CALN1: variants seen among roughly 807,000 people sequenced by gnomAD.
The protein encoded by CALN1 is calcium-binding protein 8.
Under a neutral mutation model 30.6 loss-of-function variants are expected in CALN1, and 17 were observed. The observed-to-expected ratio is 0.56, with a 90% confidence interval of 0.38 to 0.83. The LOEUF is 0.83. Among genes scored for constraint, CALN1 ranks in the 40% least tolerant of loss-of-function variants. The probability of loss-of-function intolerance (pLI) is 0.00; values close to 1 mark genes in which losing one functional copy is unlikely to be tolerated. For missense variants in CALN1, 291 were observed against 354.9 expected (o/e 0.82, Z 1.45); for synonymous variants, 156 against 131.4 (o/e 1.19, Z -1.28).
intron 2 of CALN1, among the ~76,000 whole-genome samples, chr7:72,373,466 A>G (rs940325137): frequency 6.6e-6 from 1 of 152,226 alleles, no homozygotes; most frequent in African/African-American, 2.4e-5. Flanking sequence ...TAGAAACCAT[A>G]CTTTCAGTAC....
chr7:71,860,928 C>T (rs761700098), intron 5 of CALN1, among the ~76,000 whole-genome samples: 2 of 152,172 alleles, frequency 1.3e-5, no homozygotes, highest in Non-Finnish European at 2.9e-5. Flanking sequence ...CCACGGAGAA[C>T]TCTCTGTGAT....
At chr7:72,196,875 C>T (rs1463764176) in intron 3 of CALN1, among the ~76,000 whole-genome samples, 11 of 152,066 alleles carry the variant, frequency 7.2e-5, no homozygotes, top group African/African-American at 2.7e-4. Flanking sequence ...AGCACTTGAA[C>T]CCAAGACAAC....
rs547687621 is a variant in CALN1, at chr7:71,815,725, TCTTC to T, written c.502-5237_502-5234del. 1.7e-4 allele frequency among the ~76,000 whole-genome samples: 25 copies of T among 150,810 alleles called. 1 individual carries two copies. Among genetic ancestry groups the T allele is most frequent in the Admixed American group, 8.6e-4 (13 of 15,094 alleles). On this transcript the variant is annotated intron_variant, in intron 5 of 6. Coordinates refer to ENST00000395275, the MANE Select transcript of CALN1 (RefSeq NM_031468.4). ...CCCTGCCTCCCTTCCATCCTTCCTT[TCTTC>T]CTTCCTTCCTTCCATTCCCTTCCTC... is the stretch of plus-strand genomic sequence containing the variant.
intron 2 of CALN1, among the ~76,000 whole-genome samples, chr7:72,378,084 T>C (rs1371470163): frequency 6.6e-6 from 1 of 152,160 alleles, no homozygotes; most frequent in Non-Finnish European, 1.5e-5. Context: ...AGGAACTAAG[T>C]CATTTGCCTG....
chr7:72,111,994 A>C (rs1046044021), intron 3 of CALN1, among the ~76,000 whole-genome samples: 2 of 150,082 alleles, frequency 1.3e-5, no homozygotes, highest in African/African-American at 4.9e-5. Flanking sequence ...CAGGTGATCC[A>C]CCCCCCTCTG....
intron 5 of CALN1, among the ~76,000 whole-genome samples, chr7:71,827,676 G>A (rs964017406): frequency 2.0e-5 from 3 of 151,968 alleles, no homozygotes; most frequent in African/African-American, 7.3e-5. Context: ...GGAGGCTGAG[G>A]CAGGAGAATT....
In CALN1 at chr7:72,180,432, C is replaced by A. The variant is rs1789683287; in HGVS notation, c.245-74138G>T. On this transcript the variant is annotated intron_variant, in intron 3 of 6. Transcript: ENST00000395275. ...CACAGAGCCTTGCTTGATGCAAACA[C>A]CGTATTTCATTCTTGGTGGCAAACT... Among the ~76,000 whole-genome samples the A allele has an allele frequency of 2.0e-5, 3 of 151,880 alleles. No individual in the cohort carries two copies. In the South Asian group the frequency reaches 6.3e-4, roughly 32 times the overall value.
chr7:72,145,448 A>G (rs944094476), intron 3 of CALN1, among the ~76,000 whole-genome samples: 4 of 152,340 alleles, frequency 2.6e-5, no homozygotes, highest in African/African-American at 9.6e-5. Context: ...GAATAGACCA[A>G]TAACAGGCTC....
chr7:72,050,775 A>C (rs1236864167), intron 4 of CALN1, among the ~76,000 whole-genome samples: 1 of 151,972 alleles, frequency 6.6e-6, no homozygotes, highest in Non-Finnish European at 1.5e-5. Context: ...CCAAGGTGGG[A>C]AGTTCATTTG....
the CALN1 span, among the ~76,000 whole-genome samples, chr7:72,501,037 C>A: frequency 6.6e-6 from 1 of 151,950 alleles, no homozygotes; most frequent in Non-Finnish European, 1.5e-5. Flanking sequence ...TTCCAGGATT[C>A]TTCTCTTTTG....
At chr7:72,231,770 C>T (rs575425202) in intron 3 of CALN1, among the ~76,000 whole-genome samples, 1 of 152,318 alleles carries the variant, frequency 6.6e-6, no homozygotes, top group South Asian at 2.1e-4. Flanking sequence ...TCTTGGAACT[C>T]CTCCCTTGCT....
At chr7:71,910,780 T>A (rs1043936907) in intron 5 of CALN1, among the ~76,000 whole-genome samples, 1 of 152,198 alleles carries the variant, frequency 6.6e-6, no homozygotes, top group African/African-American at 2.4e-5. Flanking sequence ...GCACCGTTTT[T>A]TTCTCAGCTT....
At chr7:71,870,574 G>C (rs1268000609) in intron 5 of CALN1, among the ~76,000 whole-genome samples, 1 of 152,082 alleles carries the variant, frequency 6.6e-6, no homozygotes, top group Non-Finnish European at 1.5e-5. Flanking sequence ...TTGAATAGTA[G>C]AATTGTTTTT....
At chr7:71,906,995 G>T (rs1794172468) in intron 5 of CALN1, among the ~76,000 whole-genome samples, 1 of 152,146 alleles carries the variant, frequency 6.6e-6, no homozygotes, top group African/African-American at 2.4e-5. Context: ...GGTGACAGAG[G>T]CAGGGGGCAG....
the CALN1 span, among the ~76,000 whole-genome samples, chr7:72,473,582 ATAAT>A: frequency 5.9e-5 from 9 of 152,212 alleles, no homozygotes; most frequent in African/African-American, 1.7e-4. Flanking sequence ...TATTAATGAA[ATAAT>A]TAAGAGAGTT....
At chr7:72,446,632 GACCGAGTGGCAGGGC>G (rs1808535014) in intron 1 of CALN1, among the ~76,000 whole-genome samples, 1 of 152,166 alleles carries the variant, frequency 6.6e-6, no homozygotes, top group African/African-American at 2.4e-5. Context: ...GCCATGTTCT[GACCGAGTGGCAGGGC>G]ACCGATTTGA....
chr7:72,248,376 G>C (rs530700901), intron 3 of CALN1, among the ~76,000 whole-genome samples: 2 of 152,312 alleles, frequency 1.3e-5, no homozygotes, highest in East Asian at 3.9e-4. Context: ...TGGGATTACA[G>C]TCATGAACCA....
intron 4 of CALN1, among the ~76,000 whole-genome samples, chr7:72,050,780 C>T (rs914568990): frequency 1.3e-5 from 2 of 152,006 alleles, no homozygotes; most frequent in African/African-American, 4.8e-5. Flanking sequence ...GTGGGAAGTT[C>T]ATTTGAGGTC....
chr7:71,980,791 A>G (rs890179426), intron 5 of CALN1, among the ~76,000 whole-genome samples: 1 of 151,518 alleles, frequency 6.6e-6, no homozygotes, highest in Non-Finnish European at 1.5e-5. Flanking sequence ...CTTCGGGTAC[A>G]GAAACAGAGA....
Sources: gnomAD v4.1 joint callset for allele counts (sites outside exome capture counted in the v4.1 genomes callset) on GRCh38, gnomAD v4.1.1 for gene constraint, MANE v1.5 for transcripts, NCBI Gene and HGNC (gene_info 2026-07-23, HGNC 2026-07-21) for gene names.